ADGRL2: variants seen among roughly 807,000 people sequenced by gnomAD.
ADGRL2 encodes adhesion G protein-coupled receptor L2.
Under a neutral mutation model 157.4 loss-of-function variants are expected in ADGRL2, and 44 were observed. That is an observed-to-expected ratio of 0.28 (90% CI 0.22 to 0.36). The LOEUF is 0.36. Among genes scored for constraint, ADGRL2 ranks in the 10% least tolerant of loss-of-function variants. The pLI is 1.00. For missense variants in ADGRL2, 1,510 were observed against 1,768.9 expected (o/e 0.85, Z 2.63); for synonymous variants, 585 against 624.7 (o/e 0.94, Z 0.95).
At chr1:81,499,641 A>G (rs2078801256) in intron 2 of ADGRL2, among the ~76,000 whole-genome samples, 1 of 152,240 alleles carries the variant, frequency 6.6e-6, no homozygotes, top group African/African-American at 2.4e-5. Flanking sequence ...CTTACATGAG[A>G]CAGCATGATG....
intron 2 of ADGRL2, among the ~76,000 whole-genome samples, chr1:81,510,116 G>T (rs1557745878): frequency 6.6e-6 from 1 of 152,168 alleles, no homozygotes; most frequent in Non-Finnish European, 1.5e-5. Context: ...AAAGTGTCAT[G>T]ATGCCTCTTT....
At chr1:81,518,592 T>C (rs1020395623) in intron 2 of ADGRL2, among the ~76,000 whole-genome samples, 5 of 152,214 alleles carry the variant, frequency 3.3e-5, no homozygotes, top group African/African-American at 4.8e-5. Context: ...AGCATTATTG[T>C]TCAGCTCATG....
rs147746630 is a variant in ADGRL2, at chr1:81,312,015, C to G, written c.-302+5506C>G. Among the ~76,000 whole-genome samples, 10 of 152,268 alleles carry G rather than the reference C, an allele frequency of 6.6e-5. No homozygotes were observed. The East Asian group carries it at 1.7e-3, about 26-fold the overall frequency. On this transcript the variant is annotated intron_variant, in intron 1 of 24. Coordinates refer to the ADGRL2 transcript ENST00000370721. ...CAGTTTTCAGCTTTTAAACCTCTGT[C>G]ACTAAATCTTCAGACACTATAAATG...
chr1:81,500,388 G>A (rs2078820943), intron 2 of ADGRL2, among the ~76,000 whole-genome samples: 1 of 152,160 alleles, frequency 6.6e-6, no homozygotes, highest in Non-Finnish European at 1.5e-5. Flanking sequence ...TAGTCAAAAG[G>A]TGGAAGTAAC....
At chr1:81,965,143 C>T (rs1014563844) in intron 11 of ADGRL2, among the ~76,000 whole-genome samples, 5 of 152,030 alleles carry the variant, frequency 3.3e-5, no homozygotes, top group African/African-American at 9.7e-5. Flanking sequence ...TTGTCAATTT[C>T]GATACTTGGT....
At chr1:81,642,436 A>G (rs115760908) in intron 3 of ADGRL2, among the ~76,000 whole-genome samples, 19,116 of 151,462 alleles carry the variant, frequency 0.13, 1,662 homozygotes, top group Non-Finnish European at 0.18. Flanking sequence ...GAAAAGAAAA[A>G]AAAAAAAAGA....
At chr1:81,516,889 T>C (rs1456981976) in intron 2 of ADGRL2, among the ~76,000 whole-genome samples, 5 of 152,134 alleles carry the variant, frequency 3.3e-5, no homozygotes, top group African/African-American at 2.4e-5. Flanking sequence ...TGGGTGCTTA[T>C]ATGTTCTACA....
chr1:81,910,273 A>ATAATAATAC (rs1408035940), intron 3 of ADGRL2, among the ~76,000 whole-genome samples: 15 of 147,786 alleles, frequency 1.0e-4, no homozygotes, highest in African/African-American at 3.7e-4. Flanking sequence ...AATAATAATA[A>ATAATAATAC]TACTACAATT....
intron 2 of ADGRL2, among the ~76,000 whole-genome samples, chr1:81,844,502 A>C (rs2092712528): frequency 6.6e-6 from 1 of 152,196 alleles, no homozygotes; most frequent in Non-Finnish European, 1.5e-5. Flanking sequence ...GTCTCAAAAA[A>C]CTGATTTATC....
rs2149480018 is a variant in ADGRL2, at chr1:81,984,791, A to G, written c.3411+80A>G. The G allele has an allele frequency of 7.7e-6, 11 of 1,422,108 alleles. 1 individual carries two copies. Among genetic ancestry groups the G allele is most frequent in the Middle Eastern group, 1.8e-4 (1 of 5,416 alleles). The allele number at this position is 1,422,108 out of a possible 1,614,324, so 88.1% of individuals were successfully genotyped here. A position where few individuals can be genotyped will look rare whatever the true frequency, so the allele number is the denominator to read the frequency against. On this transcript the variant is annotated intron_variant, in intron 20 of 23. Transcript: ENST00000686636. The stretch of plus-strand genomic sequence containing the variant: ...GAGACATGTTCTGTTCAGATGCACT[A>G]ATTGTCTTCTCATTATAATGATCTA...
intron 1 of ADGRL2, among the ~76,000 whole-genome samples, chr1:81,818,737 T>C (rs1289700788): frequency 1.3e-5 from 2 of 152,174 alleles, no homozygotes; most frequent in African/African-American, 2.4e-5. Context: ...ATAATTCTTA[T>C]AAAAGTCATA....
intron 1 of ADGRL2, among the ~76,000 whole-genome samples, chr1:81,702,054 G>A (rs1254440730): frequency 6.6e-6 from 1 of 152,180 alleles, no homozygotes; most frequent in Non-Finnish European, 1.5e-5. Context: ...TCTGTCTTGA[G>A]GGTTGAATGG....
chr1:81,913,697 T>C (rs2094786998), intron 3 of ADGRL2, among the ~76,000 whole-genome samples: 1 of 152,180 alleles, frequency 6.6e-6, no homozygotes, highest in South Asian at 2.1e-4. Flanking sequence ...CATAGCTACA[T>C]GTATATTCTC....
At chr1:81,967,032 G>A (rs1657268476) in intron 13 of ADGRL2, among the ~76,000 whole-genome samples, 1 of 152,060 alleles carries the variant, frequency 6.6e-6, no homozygotes, top group South Asian at 2.1e-4. Context: ...CTGTTACCAA[G>A]TATTGTGTTT....
chr1:81,323,595 C>A (rs949927387), intron 1 of ADGRL2, among the ~76,000 whole-genome samples: 1 of 151,692 alleles, frequency 6.6e-6, no homozygotes, highest in Non-Finnish European at 1.5e-5. Flanking sequence ...ACTTTATATT[C>A]AAGAGGAGAA....
At chr1:81,797,743 T>C (rs903389121), upstream of ADGRL2, among the ~76,000 whole-genome samples, 2 of 152,158 alleles carry the variant, frequency 1.3e-5, no homozygotes, top group Admixed American at 6.5e-5. Context: ...CAGAAATATA[T>C]GAACCCACTG....
intron 1 of ADGRL2, among the ~76,000 whole-genome samples, chr1:81,309,338 T>C (rs772337726): frequency 1.3e-5 from 2 of 152,140 alleles, no homozygotes; most frequent in Non-Finnish European, 2.9e-5. Flanking sequence ...ACCACCACTA[T>C]GGGGTCAGTG....
chr1:81,780,841 T>C (rs2086782495), intron 2 of ADGRL2, among the ~76,000 whole-genome samples: 1 of 151,874 alleles, frequency 6.6e-6, no homozygotes, highest in Non-Finnish European at 1.5e-5. Flanking sequence ...AGGTTTACAA[T>C]GAATTGCAGG....
intron 2 of ADGRL2, among the ~76,000 whole-genome samples, chr1:81,533,390 T>C (rs1436319624): frequency 6.6e-6 from 1 of 151,776 alleles, no homozygotes; most frequent in Non-Finnish European, 1.5e-5. Flanking sequence ...AAAAAACAAA[T>C]AAATAAAAAT....
Sources: gnomAD v4.1 joint callset for allele counts (sites outside exome capture counted in the v4.1 genomes callset) on GRCh38, gnomAD v4.1.1 for gene constraint, MANE v1.5 for transcripts, NCBI Gene and HGNC (gene_info 2026-07-23, HGNC 2026-07-21) for gene names.